Variants in ANKS1B observed in about 807,000 individuals in gnomAD.
ANKS1B encodes the protein ankyrin repeat and sterile alpha motif domain-containing protein 1B.
A neutral mutation model predicts 148.3 loss-of-function variants in ANKS1B; 36 were observed. That is an observed-to-expected ratio of 0.24 (90% confidence interval 0.19 to 0.32). The LOEUF is 0.32. ANKS1B is among the 10% of genes least tolerant of loss of function. The pLI is 1.00. For missense variants in ANKS1B, 1,157 were observed against 1,542.6 expected, an observed-to-expected ratio of 0.75 and a Z score of 4.19; for synonymous variants, 542 against 560.8, an observed-to-expected ratio of 0.97 and a Z score of 0.47.
intron 23 of ANKS1B, among the ~76,000 whole-genome samples, chr12:98,781,846 C>T (rs564102649): frequency 1.3e-5 from 2 of 152,312 alleles, no homozygotes; most frequent in African/African-American, 4.8e-5. Context: ...GGGTTTTGAG[C>T]CACAGCAAAA....
intron 12 of ANKS1B, among the ~76,000 whole-genome samples, chr12:99,329,170 A>C (rs2087026961): frequency 1.3e-5 from 2 of 151,954 alleles, no homozygotes; most frequent in African/African-American, 4.8e-5. Flanking sequence ...GGACAGAAAA[A>C]AATATTTGAA....
intron 14 of ANKS1B, among the ~76,000 whole-genome samples, chr12:99,214,981 T>C (rs1249263793): frequency 2.6e-5 from 4 of 152,148 alleles, no homozygotes; most frequent in African/African-American, 9.7e-5. Context: ...GAACTTTGAA[T>C]TTGAGAGAAA....
chr12:99,585,453 C>T (rs992907293), intron 9 of ANKS1B, among the ~76,000 whole-genome samples: 2 of 152,114 alleles, frequency 1.3e-5, no homozygotes, highest in African/African-American at 4.8e-5. Flanking sequence ...TGTGACTTTT[C>T]CAGGCACACA....
intron 10 of ANKS1B, among the ~76,000 whole-genome samples, chr12:99,503,770 CA>C (rs879390919): frequency 6.0e-4 from 86 of 143,202 alleles, no homozygotes; most frequent in Admixed American, 8.4e-4. Flanking sequence ...ATTACCAAAC[CA>C]AAAAAAAAAG....
intron 11 of ANKS1B, among the ~76,000 whole-genome samples, chr12:99,413,798 C>A (rs926248958): frequency 3.3e-5 from 5 of 152,138 alleles, no homozygotes; most frequent in Non-Finnish European, 7.3e-5. Flanking sequence ...ACTGCAATCC[C>A]ACATAGGAGC....
At chr12:99,389,156 A>G (rs2093974414) in intron 12 of ANKS1B, among the ~76,000 whole-genome samples, 1 of 152,212 alleles carries the variant, frequency 6.6e-6, no homozygotes, top group Non-Finnish European at 1.5e-5. Flanking sequence ...GCAAGGAACA[A>G]TCAGTCTATC....
At chr12:99,235,925 C>T (rs114984531) in intron 14 of ANKS1B, among the ~76,000 whole-genome samples, 124 of 152,288 alleles carry the variant, frequency 8.1e-4, no homozygotes, top group African/African-American at 2.9e-3. Flanking sequence ...ACTTCTTAGC[C>T]ACCCAGGCCA....
At chr12:99,903,680 A>G (rs1336183575) in intron 1 of ANKS1B, among the ~76,000 whole-genome samples, 2 of 152,052 alleles carry the variant, frequency 1.3e-5, no homozygotes, top group African/African-American at 4.8e-5. Flanking sequence ...GGTAATATGC[A>G]CTCAATATAC....
chr12:99,720,402 C>T (rs1644087091), intron 8 of ANKS1B, among the ~76,000 whole-genome samples: 1 of 152,196 alleles, frequency 6.6e-6, no homozygotes, highest in African/African-American at 2.4e-5. Context: ...CATAATTCCT[C>T]AGTTTAGCCT....
At chr12:99,219,984 A>G (rs925418708) in intron 14 of ANKS1B, among the ~76,000 whole-genome samples, 3 of 152,244 alleles carry the variant, frequency 2.0e-5, no homozygotes, top group Non-Finnish European at 1.5e-5. Flanking sequence ...ATGAGCTCCC[A>G]AAATGGATAT....
chr12:99,416,856 AT>A (rs58750039), intron 11 of ANKS1B, among the ~76,000 whole-genome samples: 39 of 151,374 alleles, frequency 2.6e-4, no homozygotes, highest in Admixed American at 6.6e-4. Flanking sequence ...AATGAAGTAC[AT>A]TTTTTTTTAA....
At chr12:98,790,865 A>T (rs2098842496) in intron 22 of ANKS1B, among the ~76,000 whole-genome samples, 1 of 152,240 alleles carries the variant, frequency 6.6e-6, no homozygotes, top group South Asian at 2.1e-4. Flanking sequence ...AGCTTGAGAC[A>T]AGTGGGAATT....
intron 1 of ANKS1B, among the ~76,000 whole-genome samples, chr12:99,947,839 G>T (rs552324111): frequency 6.6e-6 from 1 of 152,210 alleles, no homozygotes; most frequent in South Asian, 2.1e-4. Flanking sequence ...TTCCTTGCTG[G>T]CTATTGGCTG....
At chr12:99,098,771 C>G (rs571733565) in intron 15 of ANKS1B, among the ~76,000 whole-genome samples, 14 of 145,820 alleles carry the variant, frequency 9.6e-5, no homozygotes, top group African/African-American at 3.5e-4. Context: ...CCCCCCCCCA[C>G]CCCCAGCTCT....
chr12:98,895,218 C>G, intron 17 of ANKS1B: 3 of 985,500 alleles, frequency 3.0e-6, no homozygotes, highest in South Asian at 9.4e-5. Flanking sequence ...TGGGGGTTGC[C>G]GGCGCGCGGG....
intron 1 of ANKS1B, among the ~76,000 whole-genome samples, chr12:99,906,800 T>C (rs1388626158): frequency 1.3e-5 from 2 of 152,194 alleles, no homozygotes; most frequent in Admixed American, 6.5e-5. Flanking sequence ...CTGCCTTCCA[T>C]TCAACAAATA....
At chr12:99,320,484 C>T (rs1056950416) in intron 12 of ANKS1B, among the ~76,000 whole-genome samples, 2 of 152,120 alleles carry the variant, frequency 1.3e-5, no homozygotes, top group African/African-American at 2.4e-5. Flanking sequence ...TTGATCGAAT[C>T]GGCTACTGAA....
chr12:99,691,361 C>T (rs1013078262), intron 8 of ANKS1B, among the ~76,000 whole-genome samples: 1 of 152,190 alleles, frequency 6.6e-6, no homozygotes, highest in Non-Finnish European at 1.5e-5. Context: ...TGAATTTCTC[C>T]CCAGCAAATG....
chr12:99,907,925 CATG>C (rs1355957701), intron 1 of ANKS1B, among the ~76,000 whole-genome samples: 2 of 148,388 alleles, frequency 1.3e-5, no homozygotes, highest in Non-Finnish European at 3.0e-5. Context: ...AGTAAAGCAA[CATG>C]ATAACAAATC....
Sources: allele counts gnomAD v4.1 joint callset (sites outside exome capture counted in the v4.1 genomes callset), GRCh38; gene constraint gnomAD v4.1.1; transcripts MANE v1.5; gene names NCBI Gene and HGNC (gene_info 2026-07-23, HGNC 2026-07-21).